Variants in DNHD1 observed in about 807,000 individuals in gnomAD.
DNHD1 encodes the protein dynein heavy chain domain 1, also known as dynein heavy chain domain-containing protein 1.
DNHD1 carries 383 observed loss-of-function variants against 458.1 expected under a neutral mutation model. The ratio of observed to expected loss-of-function variants is 0.84; its 90% CI spans 0.77 to 0.91. The LOEUF (loss-of-function observed/expected upper bound fraction) is 0.91, where lower values mean the gene tolerates loss of function less well. Ranked by LOEUF, DNHD1 falls within the 40% of genes least tolerant of loss-of-function variation. DNHD1 has a pLI of 0.00. For missense variants in DNHD1, 5,336 were observed against 5,866.1 expected (o/e 0.91, Z 2.95); for synonymous variants, 2,203 against 2,376.9 (o/e 0.93, Z 2.13).
At chr11:6,515,778 CATT>C (rs748601599) in intron 7 of DNHD1, among the ~76,000 whole-genome samples, 4 of 137,548 alleles carry the variant, frequency 2.9e-5, no homozygotes, top group African/African-American at 8.4e-5. Flanking sequence ...TCTATAGACA[CATT>C]TTTTTTTTTT....
chr11:6,517,921 A>G (rs1014898431), intron 7 of DNHD1, among the ~76,000 whole-genome samples: 7 of 152,102 alleles, frequency 4.6e-5, no homozygotes, highest in Non-Finnish European at 1.0e-4. Flanking sequence ...TTTCCTCTGC[A>G]TGGAATATAT....
chr11:6,506,440 T>C (rs1333912216), intron 4 of DNHD1, among the ~76,000 whole-genome samples: 1 of 152,216 alleles, frequency 6.6e-6, no homozygotes, highest in Non-Finnish European at 1.5e-5. Context: ...ATTATCCAGA[T>C]AGTTGGCCTA....
Position 6,566,934 on chromosome 11 carries a change from C to G in DNHD1, c.11425C>G (p.Arg3809Gly), listed in dbSNP as rs1428201931. The change falls in exon 36 of 43, where the codon CGT becomes GGT. Residue 3809 changes from arginine to glycine, a missense_variant. Physicochemically the swap from Arg to Gly is moderately radical, Grantham distance 125 (BLOSUM62 -2). Transcript: ENST00000254579. ...LTMLLFQNPK[R>G]QKPAKFLRNI... ...GATGCTGCTGTTCCAGAATCCGAAG[C>G]GTCAGAAGCCAGCCAAGTTTCTGCG... 1 of 1,613,412 alleles carries G rather than the reference C, an allele frequency of 6.2e-7. No individual in the cohort carries two copies. The highest frequency in any genetic ancestry group is 2.2e-5 in the East Asian group (1 of 44,870).
In DNHD1 at chr11:6,548,844, A is replaced by G; in HGVS notation, c.7298A>G (p.Gln2433Arg). Residue 2433 changes from glutamine to arginine, a missense_variant, in exon 24 of 43, where the codon CAA becomes CGA. Gln to Arg is a conservative substitution (Grantham distance 43, BLOSUM62 1). Coordinates refer to ENST00000254579, the MANE Select transcript of DNHD1 (RefSeq NM_144666.3). This position sits in a 1 kb window ranked among gnomAD's most constrained non-coding sequence, Gnocchi z 4.4. ...RLLLSRGIQG[Q>R]TQASPQPGHH... Reference sequence around the variant, plus strand: ...CTGCTGAGCAGAGGAATCCAGGGCCAAACACAAGCCAGCCCACAGCCTGGG... The same window carrying G: ...CTGCTGAGCAGAGGAATCCAGGGCCGAACACAAGCCAGCCCACAGCCTGGG... 6.4e-7 allele frequency: 1 copy of G among 1,551,704 alleles called. No homozygotes were observed. The highest frequency in any genetic ancestry group is 8.7e-7 in the Non-Finnish European group (1 of 1,146,992).
intron 28 of DNHD1, among the ~76,000 whole-genome samples, 191 bp downstream of exon 28, chr11:6,559,474 G>A (rs1174442313): frequency 6.6e-6 from 1 of 152,132 alleles, no homozygotes; most frequent in Non-Finnish European, 1.5e-5. Context: ...ATACAGCTAA[G>A]ACCAGATTGA....
intron 24 of DNHD1, among the ~76,000 whole-genome samples, chr11:6,553,801 C>A (rs1026881581): frequency 2.0e-5 from 3 of 152,104 alleles, no homozygotes; most frequent in Non-Finnish European, 4.4e-5. Context: ...CATTCAAGAT[C>A]TGTACACTGA....
rs1853770846 is a variant in DNHD1 at position 6,568,846 on chromosome 11, G to A, written c.12843G>A (p.Leu4281=). Residue 4281 remains leucine, a synonymous_variant, in exon 39 of 43, where the codon CTG becomes CTA. Coordinates refer to ENST00000254579, the MANE Select transcript of DNHD1 (RefSeq NM_144666.3). ...ACCGGCAGCTCTATGGAACAAGGCT[G>A]CAGGCACACAGGGGGCGCTGGTGAG... is the stretch of plus-strand genomic sequence containing the variant. ...LLHRQLYGTR[L]QAHRGRWSQV... is the part of the protein sequence containing the mutation. 6.2e-7 allele frequency: 1 copy of A among 1,611,418 alleles called. No individual in the cohort carries two copies. The highest frequency in any genetic ancestry group is 1.3e-5 in the African/African-American group (1 of 74,816).
chr11:6,502,242 G>T (rs1012049548), intron 3 of DNHD1, among the ~76,000 whole-genome samples: 2 of 152,152 alleles, frequency 1.3e-5, no homozygotes, highest in East Asian at 1.9e-4. Context: ...GAAGCTAGAG[G>T]TTGGGTGATG....
chr11:6,542,684 G>A (rs1853121765), intron 18 of DNHD1, among the ~76,000 whole-genome samples: 1 of 152,172 alleles, frequency 6.6e-6, no homozygotes, highest in Admixed American at 6.5e-5. Flanking sequence ...CCCAAATGAT[G>A]GACTTGTTAT....
At position 6,570,277 on chromosome 11, in the gene DNHD1, A is replaced by T. The variant is rs1853812764; in HGVS notation, c.12986A>T (p.Asp4329Val). ...GTTTTCTACGGGGGTCCTCTGGGGG[A>T]CACTGAGGACAGGGAGGCCCTGATT... ...ASVFYGGPLG[D>V]TEDREALISL... Residue 4329 changes from aspartate (D) to valine (V), a missense_variant, in exon 41 of 43, where the codon GAC becomes GTC. By Grantham distance (152) the Asp-to-Val change is radical. Transcript: ENST00000254579. 6.2e-7 allele frequency: 1 copy of T among 1,613,642 alleles called. No individual in the cohort carries two copies. Among genetic ancestry groups the T allele is most frequent in the Non-Finnish European group, 8.5e-7 (1 of 1,179,754 alleles).
rs1476186357 is a variant in DNHD1 at position 6,498,843 on chromosome 11, G to A, written c.628G>A (p.Val210Met). 1.2e-6 allele frequency: 2 copies of A among 1,614,136 alleles called. No individual in the cohort carries two copies. Among genetic ancestry groups the A allele is most frequent in the Non-Finnish European group, 8.5e-7 (1 of 1,180,060 alleles). Residue 210 changes from valine (V) to methionine (M), a missense_variant, in exon 3 of 43, where the codon GTG becomes ATG. Transcript: ENST00000254579. ...TGCTCAGGTGGCCCTAGAAGAGGCT[G>A]TGTGGCTGGATGGACTTAGTCTCCT... is the stretch of plus-strand genomic sequence containing the variant. Reference protein sequence around the residue: ...VGAQVALEEAVWLDGLSLLPL... With the variant: ...VGAQVALEEAMWLDGLSLLPL...
chr11:6,529,015 G>A lies in DNHD1; in HGVS notation c.2241G>A (p.Val747=), dbSNP rs767855911. ...CCATCAAGAACTACGTGACGCTGGT[G>A]AGCCGCCTGAATGTTTGGCAGGCCC... The part of the protein sequence containing the change: ...GGPIKNYVTL[V]SRLNVWQARV... The change falls in exon 12 of 43, where the codon GTG becomes GTA. Residue 747 remains valine (V), a synonymous_variant. Coordinates refer to ENST00000254579, the MANE Select transcript of DNHD1 (RefSeq NM_144666.3). 10 of 1,551,380 alleles carry A rather than the reference G, an allele frequency of 6.4e-6. No homozygotes were observed. In the African/African-American group the frequency reaches 1.1e-4, roughly 17 times the overall value.
chr11:6,552,602 C>T (rs908428371), intron 24 of DNHD1, among the ~76,000 whole-genome samples: 31 of 149,712 alleles, frequency 2.1e-4, no homozygotes, highest in African/African-American at 6.4e-4. Flanking sequence ...AACTTAAAGT[C>T]GTGGCAAAAG....
At chr11:6,550,807 C>T (rs1853324789) in intron 24 of DNHD1, among the ~76,000 whole-genome samples, 1 of 152,080 alleles carries the variant, frequency 6.6e-6, no homozygotes, top group Non-Finnish European at 1.5e-5. Flanking sequence ...AGATTCAACT[C>T]ATCAGAAAGA....
chr11:6,502,529 G>A (rs977531415), intron 3 of DNHD1, among the ~76,000 whole-genome samples: 5 of 152,134 alleles, frequency 3.3e-5, no homozygotes, highest in African/African-American at 9.7e-5. Context: ...TCACACACAT[G>A]TTTGTGTCAA....
chr11:6,516,952 T>C (rs1295005790), intron 7 of DNHD1, among the ~76,000 whole-genome samples: 1 of 152,166 alleles, frequency 6.6e-6, no homozygotes. Context: ...ACCTACTCCT[T>C]TGTCTTAGTC....
At chr11:6,559,484 A>G (rs1853541359) in intron 28 of DNHD1, among the ~76,000 whole-genome samples, 1 of 152,198 alleles carries the variant, frequency 6.6e-6, no homozygotes, top group South Asian at 2.1e-4. Context: ...GACCAGATTG[A>G]TTCTTCATAA....
chr11:6,533,270 AG>A, intron 13 of DNHD1, 86 bp downstream of exon 13: 15 of 1,332,458 alleles, frequency 1.1e-5, no homozygotes, highest in Non-Finnish European at 1.5e-5. Flanking sequence ...GTCTCTGCTG[AG>A]CCCCCAGCAG....
intron 18 of DNHD1, among the ~76,000 whole-genome samples, chr11:6,541,399 A>ACACACTCTTATTCTTAGTGCG (rs1244914596): frequency 6.6e-5 from 10 of 152,330 alleles, no homozygotes; most frequent in Non-Finnish European, 1.5e-4. Flanking sequence ...AGATTTGCAA[A>ACACACTCTTATTCTTAGTGCG]CACACTCTTA....
Sources: allele counts gnomAD v4.1 joint callset (sites outside exome capture counted in the v4.1 genomes callset), GRCh38; gene constraint gnomAD v4.1.1; non-coding constraint Gnocchi (gnomAD v3.1); transcripts MANE v1.5; gene names NCBI Gene and HGNC (gene_info 2026-07-23, HGNC 2026-07-21).